The following DET1 variants were observed in gnomAD, a reference collection of about 807,000 sequenced individuals.
DET1 encodes the protein DET1 partner of COP1 E3 ubiquitin ligase.
A neutral mutation model predicts 43.7 loss-of-function variants in DET1; 22 were observed. That is an observed-to-expected ratio of 0.50 (90% CI 0.36 to 0.72). The LOEUF is 0.72. Among genes scored for constraint, DET1 ranks in the 30% least tolerant of loss-of-function variants. DET1 has a pLI of 0.00. For synonymous variants in DET1, 315 were observed against 266.2 expected, an observed-to-expected ratio of 1.18 and a Z score of -1.79; for missense variants, 713 against 713.3, an observed-to-expected ratio of 1.00 and a Z score of 0.00.
chr15:88,505,621 C>G (rs914051019), intron 7 of DET1: 5 of 152,132 alleles, frequency 3.3e-5, no homozygotes, highest in African/African-American at 1.2e-4. Flanking sequence ...ACCCAGTTTG[C>G]ACATCCACAG....
chr15:88,536,770 C>CAAAA (rs58177778), intron 1 of DET1, among the ~76,000 whole-genome samples: 5 of 48,070 alleles, frequency 1.0e-4, no homozygotes, highest in African/African-American at 1.7e-4. Context: ...GACTCCATCT[C>CAAAA]AAAAAAAAAA....
chr15:88,520,189 A>AT (rs1032130630), intron 3 of DET1, among the ~76,000 whole-genome samples: 2 of 152,128 alleles, frequency 1.3e-5, no homozygotes, highest in African/African-American at 2.4e-5. Flanking sequence ...CAAACATGCC[A>AT]TTTTTTCCCT....
chr15:88,531,569 A>T lies in DET1; in HGVS notation c.137T>A (p.Val46Asp). The T allele has an allele frequency of 6.2e-7, 1 of 1,614,006 alleles. No individual in the cohort carries two copies. The highest frequency in any genetic ancestry group is 1.1e-5 in the South Asian group (1 of 91,076). The change falls in exon 2 of 5, where the codon GTC becomes GAC. Residue 46 changes from valine to aspartate, a missense_variant. Coordinates refer to ENST00000268148, the MANE Select transcript of DET1 (RefSeq NM_001144074.3). The surrounding 1 kb of genome is among the most constrained non-coding windows in gnomAD (Gnocchi z 6.2). ...WHQVRVFHQN[V>D]FPNFTVVNVE... ...GTTGACAACTGTGAAGTTGGGGAAG[A>T]CATTCTGATGGAACACTCGGACTTG...
chr15:88,523,167 T>A (rs1567062496), intron 3 of DET1, among the ~76,000 whole-genome samples: 1 of 152,170 alleles, frequency 6.6e-6, no homozygotes, highest in African/African-American at 2.4e-5. Flanking sequence ...TAAGCCACCA[T>A]GCCAGACCTG....
intron 3 of DET1, among the ~76,000 whole-genome samples, chr15:88,522,584 C>G (rs146810820): frequency 7.2e-6 from 1 of 139,122 alleles, no homozygotes; most frequent in Non-Finnish European, 1.5e-5. Flanking sequence ...ATTCGGCTCA[C>G]TGCAAGCTCC....
chr15:88,533,494 C>T (rs1161140747), intron 1 of DET1, among the ~76,000 whole-genome samples: 3 of 152,124 alleles, frequency 2.0e-5, no homozygotes, highest in African/African-American at 7.2e-5. Context: ...ATGTTCATAT[C>T]AGCGCTATTC....
intron 2 of DET1, among the ~76,000 whole-genome samples, chr15:88,529,684 G>A (rs1174147550): frequency 2.0e-5 from 3 of 152,158 alleles, no homozygotes; most frequent in Non-Finnish European, 4.4e-5. Context: ...TTGACTTCGT[G>A]GTTTACTGAT....
chr15:88,532,696 C>T (rs550063479), intron 1 of DET1, among the ~76,000 whole-genome samples: 1 of 152,144 alleles, frequency 6.6e-6, no homozygotes, highest in Non-Finnish European at 1.5e-5. Context: ...AGAAAAAGGA[C>T]AGTCACTTCA....
chr15:88,517,958 A>T (rs1409851634), intron 3 of DET1, among the ~76,000 whole-genome samples: 1 of 152,152 alleles, frequency 6.6e-6, no homozygotes, highest in Non-Finnish European at 1.5e-5. Context: ...ATTTTTTGAG[A>T]CAGGGTCTCA....
rs1271852550 is a variant in DET1, at chr15:88,531,494, T to C, written c.212A>G (p.Tyr71Cys). 1 of 1,613,884 alleles carries C rather than the reference T, an allele frequency of 6.2e-7. No individual in the cohort carries two copies. The highest frequency in any genetic ancestry group is 1.3e-5 in the African/African-American group (1 of 74,918). ...FLRKFSPDGR[Y>C]FIAFSSDQTS... ...CTGGTCTGAAGAAAAAGCAATAAAGTAGCGTCCATCAGGTGAGAATTTACG... is the reference window on the plus strand; with the variant it reads ...CTGGTCTGAAGAAAAAGCAATAAAGCAGCGTCCATCAGGTGAGAATTTACG... Residue 71 changes from tyrosine to cysteine, a missense_variant, in exon 2 of 5, where the codon TAC (tyrosine) becomes TGC (cysteine). Tyr to Cys is a radical substitution (Grantham distance 194). Transcript: ENST00000268148. The surrounding 1 kb of genome is among the most constrained non-coding windows in gnomAD (Gnocchi z 6.2).
chr15:88,536,404 G>A (rs377696372), intron 1 of DET1: 67 of 732,562 alleles, frequency 9.1e-5, no homozygotes, highest in Middle Eastern at 5.4e-4. Flanking sequence ...ACAGTTAAGC[G>A]CTCATAAATA....
chr15:88,545,540 C>T (rs1011523657), intron 1 of DET1, among the ~76,000 whole-genome samples: 2 of 152,200 alleles, frequency 1.3e-5, no homozygotes, highest in Admixed American at 6.5e-5. Flanking sequence ...ACTTTAATCA[C>T]TGGGTTAGCT....
At chr15:88,527,811 A>G (rs2056705303) in intron 2 of DET1, 25 bp from the exon 3 acceptor site, 1 of 1,550,710 alleles carries the variant, frequency 6.4e-7, no homozygotes, top group African/African-American at 1.4e-5. Context: ...AGAGAGAGGT[A>G]TGGGACAGCT....
At position 88,512,506 on chromosome 15, in the gene DET1, AT is replaced by A; in HGVS notation, c.*444del. 1 of 987,424 alleles carries A rather than the reference AT, an allele frequency of 1.0e-6. No homozygotes were observed. The highest frequency in any genetic ancestry group is 1.2e-6 in the Non-Finnish European group (1 of 831,070). The allele number at this position is 987,424 out of a possible 1,614,324, so 61.2% of individuals were successfully genotyped here. ...TTAAGTATGAAAATACCATGGCTTT[AT>A]TTTTCTCTTAAAAAGATAGCCGTGC... On this transcript the variant is annotated 3_prime_UTR_variant, in exon 5 of 5. Transcript: ENST00000268148.
chr15:88,536,770 C>CAAAAA (rs58177778), intron 1 of DET1, among the ~76,000 whole-genome samples: 8 of 48,068 alleles, frequency 1.7e-4, no homozygotes, highest in African/African-American at 5.2e-4. Context: ...GACTCCATCT[C>CAAAAA]AAAAAAAAAA....
At chr15:88,524,411 T>C (rs1356978030) in intron 3 of DET1, among the ~76,000 whole-genome samples, 4 of 151,856 alleles carry the variant, frequency 2.6e-5, no homozygotes, top group Admixed American at 6.5e-5. Flanking sequence ...CTGCCCCGTC[T>C]GGGAAGTGAG....
chr15:88,535,051 C>A (rs2142320860), intron 1 of DET1, among the ~76,000 whole-genome samples: 1 of 152,254 alleles, frequency 6.6e-6, no homozygotes, highest in South Asian at 2.1e-4. Context: ...AATAAGTAAT[C>A]ACAAACACTC....
At chr15:88,539,278 C>T (rs1252770562) in intron 1 of DET1, among the ~76,000 whole-genome samples, 1 of 151,922 alleles carries the variant, frequency 6.6e-6, no homozygotes, top group Non-Finnish European at 1.5e-5. Context: ...CCCTCACCTG[C>T]AGTTCTGGGG....
intron 3 of DET1, among the ~76,000 whole-genome samples, chr15:88,522,641 T>C (rs530282737): frequency 2.0e-3 from 304 of 151,298 alleles, no homozygotes; most frequent in Non-Finnish European, 3.3e-3. Flanking sequence ...CCCGAGTAGC[T>C]GGGACTACAG....
Sources: allele counts gnomAD v4.1 joint callset (sites outside exome capture counted in the v4.1 genomes callset), GRCh38; gene constraint gnomAD v4.1.1; non-coding constraint Gnocchi (gnomAD v3.1); transcripts MANE v1.5; gene names NCBI Gene and HGNC (gene_info 2026-07-23, HGNC 2026-07-21).